The following SLC35F6 variants were observed in gnomAD, a reference collection of about 807,000 sequenced individuals.
The protein encoded by SLC35F6 is solute carrier family 35 member F6, also known as ANT2-binding protein.
SLC35F6 carries 26 observed loss-of-function variants against 29.4 expected under a neutral mutation model. That is an observed-to-expected ratio of 0.89 (90% CI 0.65 to 1.23). The LOEUF (loss-of-function observed/expected upper bound fraction) is 1.23, where lower values mean the gene tolerates loss of function less well. SLC35F6 is among the 50% of genes most tolerant of loss of function. The probability of loss-of-function intolerance (pLI) is 0.00; values close to 1 mark genes in which losing one functional copy is unlikely to be tolerated. For synonymous variants in SLC35F6, 174 were observed against 206.6 expected, an observed-to-expected ratio of 0.84 and a Z score of 1.35; for missense variants, 428 against 487.8, an observed-to-expected ratio of 0.88 and a Z score of 1.15.
intron 1 of SLC35F6, among the ~76,000 whole-genome samples, chr2:26,769,273 C>G (rs1041095930): frequency 1.3e-5 from 2 of 152,232 alleles, no homozygotes; most frequent in Non-Finnish European, 2.9e-5. Context: ...TAGGGAGTGA[C>G]TCACCACCCA....
At chr2:26,772,531 T>A (rs988897393) in intron 1 of SLC35F6, among the ~76,000 whole-genome samples, 1 of 152,176 alleles carries the variant, frequency 6.6e-6, no homozygotes, top group African/African-American at 2.4e-5. Context: ...TTTGGAGCTG[T>A]GTCAACGAAC....
chr2:26,777,981 G>A, intron 5 of SLC35F6, 61 bp from the exon 6 acceptor site: 1 of 1,507,934 alleles, frequency 6.6e-7, no homozygotes, highest in South Asian at 1.2e-5. Context: ...GGCTAAGCCG[G>A]TGGGCTGTGC....
chr2:26,772,230 C>A (rs1664210457), intron 1 of SLC35F6, among the ~76,000 whole-genome samples: 1 of 152,174 alleles, frequency 6.6e-6, no homozygotes. Flanking sequence ...GTGGCACATG[C>A]TCTGGGTGCT....
chr2:26,775,101 T>G lies in SLC35F6; in HGVS notation c.208T>G (p.Cys70Gly). 7 of 1,614,132 alleles carry G rather than the reference T, an allele frequency of 4.3e-6. No homozygotes were observed. The highest frequency in any genetic ancestry group is 5.9e-6 in the Non-Finnish European group (7 of 1,180,016). ...CCTGGCTGCCTTCTACCTCCTCCGA[T>G]GCAGAGCTGCAGGGCAATCAGACTC... ...SCLAAFYLLR[C>G]RAAGQSDSSV... is the part of the protein sequence containing the mutation. Residue 70 changes from cysteine (C) to glycine (G), a missense_variant, in exon 3 of 6, where the codon TGC (cysteine) becomes GGC (glycine). Physicochemically the swap from Cys to Gly is radical, Grantham distance 159 (BLOSUM62 -3). Coordinates refer to ENST00000344420, the MANE Select transcript of SLC35F6 (RefSeq NM_017877.4). This position sits in a 1 kb window ranked among gnomAD's most constrained non-coding sequence, Gnocchi z 4.6.
chr2:26,767,718 G>A (rs1664121490), intron 1 of SLC35F6, among the ~76,000 whole-genome samples: 2 of 152,232 alleles, frequency 1.3e-5, no homozygotes, highest in South Asian at 4.1e-4. Context: ...TACATATGAA[G>A]AGCCGGGGTC....
In SLC35F6 at chr2:26,780,950, G is replaced by C. The variant is rs889812831; in HGVS notation, c.*2439G>C. 14 of 152,152 alleles carry C rather than the reference G, an allele frequency of 9.2e-5. No individual in the cohort carries two copies. The highest frequency in any genetic ancestry group is 3.1e-4 in the African/African-American group (13 of 41,410). 9.4% of individuals were successfully genotyped at this position (152,152 alleles called of 1,614,324 possible). A position where few individuals can be genotyped will look rare whatever the true frequency, so the allele number is the denominator to read the frequency against. ...TTCCAGCAGGTTATTACAGCTTGTG[G>C]GGGGAGGGAGGGTCCATTCCACCAG... is the stretch of plus-strand genomic sequence containing the variant. On this transcript the variant is annotated 3_prime_UTR_variant, in exon 6 of 6. Transcript: ENST00000344420.
intron 5 of SLC35F6, among the ~76,000 whole-genome samples, chr2:26,777,760 G>GTGTGTGTCCA (rs571627377): frequency 5.9e-5 from 9 of 152,018 alleles, no homozygotes; most frequent in African/African-American, 1.9e-4. Flanking sequence ...GTGTGTGTGT[G>GTGTGTGTCCA]TGTCCATGAA....
chr2:26,778,712 C>G lies in SLC35F6; in HGVS notation c.*201C>G. 1.7e-6 allele frequency: 1 copy of G among 587,686 alleles called. No homozygotes were observed. 36.4% of individuals were successfully genotyped at this position (587,686 alleles called of 1,614,324 possible). On this transcript the variant is annotated 3_prime_UTR_variant, in exon 6 of 6. Coordinates refer to ENST00000344420, the MANE Select transcript of SLC35F6 (RefSeq NM_017877.4). ...CACTACCACCTGCAGGGTGGTGTTA[C>G]CCAGCCCCCACAAGCCTGAGTGCAG... is the stretch of plus-strand genomic sequence containing the variant.
chr2:26,773,971 A>T (rs1664251079), intron 1 of SLC35F6, among the ~76,000 whole-genome samples: 1 of 152,214 alleles, frequency 6.6e-6, no homozygotes, highest in Non-Finnish European at 1.5e-5. Context: ...AATGTTCATG[A>T]GTGATGAGTG....
intron 1 of SLC35F6, among the ~76,000 whole-genome samples, chr2:26,773,867 C>T (rs974390658): frequency 1.1e-4 from 16 of 152,188 alleles, no homozygotes; most frequent in African/African-American, 3.9e-4. Flanking sequence ...CCACCTCAGC[C>T]TCCCAAAGTG....
In SLC35F6 at chr2:26,775,436, T is replaced by A. The variant is rs1217813022; in HGVS notation, c.323-28T>A. The A allele has an allele frequency of 6.2e-7, 1 of 1,606,802 alleles. No homozygotes were observed. Among genetic ancestry groups the A allele is most frequent in the Non-Finnish European group, 8.5e-7 (1 of 1,176,384 alleles). On this transcript the variant is annotated intron_variant, in intron 3 of 5. Coordinates refer to ENST00000344420, the MANE Select transcript of SLC35F6 (RefSeq NM_017877.4). The surrounding 1 kb of genome is among the most constrained non-coding windows in gnomAD (Gnocchi z 4.6). ...ACAGATGGCCTTCGCCTTGGGAAGCTAACTGTAATTTGTTTCTCCTTTCCT... is the reference window on the plus strand; with the variant it reads ...ACAGATGGCCTTCGCCTTGGGAAGCAAACTGTAATTTGTTTCTCCTTTCCT...
chr2:26,764,285 C>T lies in SLC35F6; in HGVS notation c.-65C>T, dbSNP rs1209885482. On this transcript the variant is annotated 5_prime_UTR_variant, in exon 1 of 6. Coordinates refer to ENST00000344420, the MANE Select transcript of SLC35F6 (RefSeq NM_017877.4). ...GTGACGCCCGGCCCGGAAGCGCTCG[C>T]GCAGGAGACCCCGGGTGACGGGGCC... 3 of 1,533,756 alleles carry T rather than the reference C, an allele frequency of 2.0e-6. No individual in the cohort carries two copies. The highest frequency in any genetic ancestry group is 2.8e-5 in the African/African-American group (2 of 72,002).
chr2:26,771,015 C>T (rs184106972), intron 1 of SLC35F6, among the ~76,000 whole-genome samples: 32 of 152,358 alleles, frequency 2.1e-4, no homozygotes, highest in African/African-American at 6.7e-4. Flanking sequence ...GGGCTGTCAG[C>T]CTGCCCCAGG....
In SLC35F6 at chr2:26,775,512, T is replaced by G; in HGVS notation, c.371T>G (p.Val124Gly). 1 of 1,612,436 alleles carries G rather than the reference T, an allele frequency of 6.2e-7. No individual in the cohort carries two copies. The highest frequency in any genetic ancestry group is 1.1e-5 in the South Asian group (1 of 91,008). Residue 124 changes from valine to glycine, a missense_variant, in exon 4 of 6, where the codon GTG becomes GGG. By Grantham distance (109) the Val-to-Gly change is moderately radical. Coordinates refer to ENST00000344420, the MANE Select transcript of SLC35F6 (RefSeq NM_017877.4). The surrounding 1 kb of genome is among the most constrained non-coding windows in gnomAD (Gnocchi z 4.6). ...AGCTTCCAGATGCTGCGGGGTGCAGTGATCATATTCACTGGCCTGTTCTCG... is the reference window on the plus strand; with the variant it reads ...AGCTTCCAGATGCTGCGGGGTGCAGGGATCATATTCACTGGCCTGTTCTCG... ...ASSFQMLRGA[V>G]IIFTGLFSVA...
rs1189304861 is a variant in SLC35F6, at chr2:26,778,467, A to C, written c.1072A>C (p.Arg358=). The C allele has an allele frequency of 6.2e-7, 1 of 1,612,778 alleles. No homozygotes were observed. The highest frequency in any genetic ancestry group is 8.5e-7 in the Non-Finnish European group (1 of 1,179,534). ...CCTGGCAGAGGAGAGCGAGCAGGAG[A>C]GACTGCTGGGTGGCACCCGCACTCC... ...RPLAEESEQE[R]LLGGTRTPIN... Residue 358 remains arginine (R), a synonymous_variant, in exon 6 of 6, where the codon AGA becomes CGA. Coordinates refer to ENST00000344420, the MANE Select transcript of SLC35F6 (RefSeq NM_017877.4).
rs560847135 is a variant in SLC35F6 at position 26,775,523 on chromosome 2, A to G, written c.382A>G (p.Thr128Ala). 5 of 1,609,426 alleles carry G rather than the reference A, an allele frequency of 3.1e-6. No individual in the cohort carries two copies. The highest frequency in any genetic ancestry group is 3.3e-4 in the Middle Eastern group (2 of 6,010). Residue 128 changes from threonine to alanine, a missense_variant, in exon 4 of 6, where the codon ACT (threonine) becomes GCT (alanine). Thr to Ala is a moderately conservative substitution (Grantham distance 58). Coordinates refer to ENST00000344420, the MANE Select transcript of SLC35F6 (RefSeq NM_017877.4). This position sits in a 1 kb window ranked among gnomAD's most constrained non-coding sequence, Gnocchi z 4.6. ...QMLRGAVIIFTGLFSVAFLGR... is the reference protein window; with the variant it reads ...QMLRGAVIIFAGLFSVAFLGR... ...GCTGCGGGGTGCAGTGATCATATTC[A>G]CTGGCCTGTTCTCGGTGGCCTTCCT... is the stretch of plus-strand genomic sequence containing the variant.
chr2:26,769,317 A>G (rs1356372160), intron 1 of SLC35F6, among the ~76,000 whole-genome samples: 5 of 152,200 alleles, frequency 3.3e-5, no homozygotes, highest in Non-Finnish European at 7.4e-5. Context: ...CTGCCCGCCA[A>G]AAGGAGCGGC....
intron 1 of SLC35F6, among the ~76,000 whole-genome samples, chr2:26,765,554 A>T (rs572834144): frequency 6.6e-6 from 1 of 152,306 alleles, no homozygotes; most frequent in African/African-American, 2.4e-5. Context: ...TGTGTAAGGG[A>T]AGGGGACAGA....
At chr2:26,772,958 G>A (rs1664224147) in intron 1 of SLC35F6, among the ~76,000 whole-genome samples, 1 of 152,172 alleles carries the variant, frequency 6.6e-6, no homozygotes, top group African/African-American at 2.4e-5. Flanking sequence ...TCTGCCGGGT[G>A]CTGACTGGGA....
Sources: allele counts gnomAD v4.1 joint callset (sites outside exome capture counted in the v4.1 genomes callset), GRCh38; gene constraint gnomAD v4.1.1; non-coding constraint Gnocchi (gnomAD v3.1); transcripts MANE v1.5; gene names NCBI Gene and HGNC (gene_info 2026-07-23, HGNC 2026-07-21).